The following APPL2 variants were observed in gnomAD, a reference collection of about 807,000 sequenced individuals.
The protein encoded by APPL2 is adaptor protein, phosphotyrosine interacting with PH domain and leucine zipper 2, also known as DCC-interacting protein 13-beta.
APPL2 carries 84 observed loss-of-function variants against 92.7 expected under a neutral mutation model. The observed-to-expected ratio is 0.91, with a 90% CI of 0.76 to 1.09. The LOEUF is 1.09. Among genes scored for constraint, APPL2 ranks in the 50% least tolerant of loss-of-function variants. The pLI, the probability that APPL2 is intolerant of heterozygous loss-of-function variation, is 0.00. For missense variants in APPL2, 736 were observed against 824.5 expected (o/e 0.89, Z 1.31); for synonymous variants, 291 against 291.0 (o/e 1.00, Z 0.00).
chr12:105,174,773 A>G (rs1885336734), intron 20 of APPL2, among the ~76,000 whole-genome samples: 1 of 151,586 alleles, frequency 6.6e-6, no homozygotes, highest in East Asian at 1.9e-4. Context: ...CTATACCAGA[A>G]GTTGGCAAAC....
intron 1 of APPL2, 21 bp from the exon 2 acceptor site, chr12:105,229,244 A>C (rs1384345818): frequency 2.5e-6 from 4 of 1,600,966 alleles, no homozygotes; most frequent in Non-Finnish European, 3.4e-6. Context: ...AGAAGAAAAA[A>C]GGTCAATTTC....
At position 105,177,728 on chromosome 12, in the gene APPL2, A is replaced by C. The variant is rs535854261; in HGVS notation, c.1635-466T>G. Reference sequence around the variant, plus strand: ...AAGGGATTTTGACAAAACTCTTATCAATTTGGGTAAAAGAGGAATAATGTT... The same window carrying C: ...AAGGGATTTTGACAAAACTCTTATCCATTTGGGTAAAAGAGGAATAATGTT... On this transcript the variant is annotated intron_variant, in intron 17 of 20. Coordinates refer to ENST00000258530, the MANE Select transcript of APPL2 (RefSeq NM_018171.5). Among the ~76,000 whole-genome samples the C allele has an allele frequency of 4.7e-4, 71 of 152,322 alleles. 2 individuals carry two copies. The South Asian group carries it at 0.014, about 31-fold the overall frequency.
In APPL2 at chr12:105,189,796, C is replaced by T. The variant is rs1250299467; in HGVS notation, c.1435G>A (p.Asp479Asn). ...CCTTCTGCTTCTGGAAATGATTCAT[C>T]CTCAGTTTCACCAAAAGGGTTGGTA... is the stretch of plus-strand genomic sequence containing the variant. ...RRTNPFGETEDESFPEAEDSL... is the reference protein window; with the variant it reads ...RRTNPFGETENESFPEAEDSL... Residue 479 changes from aspartate to asparagine, a missense_variant, in exon 16 of 21, where the codon GAT (aspartate) becomes AAT (asparagine). Transcript: ENST00000258530. 2 of 1,614,156 alleles carry T rather than the reference C, an allele frequency of 1.2e-6. No homozygotes were observed.
chr12:105,212,515 G>T (rs975743078), intron 4 of APPL2, among the ~76,000 whole-genome samples: 4 of 152,208 alleles, frequency 2.6e-5, no homozygotes, highest in Non-Finnish European at 5.9e-5. Context: ...ATCTGGGGCT[G>T]GTGAGATCTA....
chr12:105,228,729 T>G (rs948624800), intron 2 of APPL2, among the ~76,000 whole-genome samples: 2 of 152,286 alleles, frequency 1.3e-5, no homozygotes, highest in East Asian at 3.9e-4. Context: ...AGGAAGCAGT[T>G]GAAAAAACAT....
At chr12:105,191,599 A>G (rs1887202189) in intron 14 of APPL2, among the ~76,000 whole-genome samples, 1 of 152,136 alleles carries the variant, frequency 6.6e-6, no homozygotes, top group Non-Finnish European at 1.5e-5. Flanking sequence ...GTGGGGTCTG[A>G]ACTTGACACA....
intron 17 of APPL2, among the ~76,000 whole-genome samples, chr12:105,184,119 TG>T (rs1886378424): frequency 6.6e-6 from 1 of 152,356 alleles, no homozygotes; most frequent in Admixed American, 6.5e-5. Flanking sequence ...AGGTTATTTA[TG>T]TTCTTCTCTA....
chr12:105,175,137 G>A (rs528374986), intron 20 of APPL2, among the ~76,000 whole-genome samples: 11 of 152,316 alleles, frequency 7.2e-5, no homozygotes, highest in African/African-American at 2.6e-4. Context: ...TCCTGCCTCT[G>A]CCTCCCAAAG....
intron 17 of APPL2, among the ~76,000 whole-genome samples, chr12:105,186,635 TCA>T (rs1491301621): frequency 4.5e-4 from 59 of 132,438 alleles, no homozygotes; most frequent in African/African-American, 1.3e-3. Flanking sequence ...ATCATATATA[TCA>T]TATATATGAT....
chr12:105,182,186 C>T (rs1308133588), intron 17 of APPL2, among the ~76,000 whole-genome samples: 1 of 152,150 alleles, frequency 6.6e-6, no homozygotes, highest in Admixed American at 6.5e-5. Flanking sequence ...TGCCACCACA[C>T]CTAGCAAATT....
intron 8 of APPL2, chr12:105,206,775 T>C: frequency 3.6e-6 from 1 of 276,540 alleles, no homozygotes; most frequent in Admixed American, 4.9e-5. Context: ...CAGCTGGCTT[T>C]CATTCGGATT....
intron 17 of APPL2, among the ~76,000 whole-genome samples, chr12:105,187,438 G>GAAA (rs1368224742): frequency 6.6e-6 from 1 of 152,080 alleles, no homozygotes. Context: ...TTTTACAGCT[G>GAAA]AAAAAACTGA....
In APPL2 at chr12:105,174,114, A is replaced by AC. The variant is rs1448414415; in HGVS notation, c.*199dup. On this transcript the variant is annotated 3_prime_UTR_variant, in exon 21 of 21. Coordinates refer to ENST00000258530, the MANE Select transcript of APPL2 (RefSeq NM_018171.5). The stretch of plus-strand genomic sequence containing the variant: ...GACTTACCACAAAGCACCTAAAATA[A>AC]CATTGTAGATGGGTGGGAACGCTGT... 3 of 551,922 alleles carry AC rather than the reference A, an allele frequency of 5.4e-6. No homozygotes were observed. In the African/African-American group the frequency reaches 5.9e-5, roughly 11 times the overall value. 34.2% of individuals were successfully genotyped at this position (551,922 alleles called of 1,614,324 possible). A position where few individuals can be genotyped will look rare whatever the true frequency, so the allele number is the denominator to read the frequency against.
intron 17 of APPL2, among the ~76,000 whole-genome samples, chr12:105,177,845 C>T (rs1885706079): frequency 6.6e-6 from 1 of 152,156 alleles, no homozygotes; most frequent in African/African-American, 2.4e-5. Flanking sequence ...GGCTGGAGTG[C>T]AGCAGCCCAG....
chr12:105,223,251 C>T (rs1780718345), intron 2 of APPL2, among the ~76,000 whole-genome samples: 1 of 152,220 alleles, frequency 6.6e-6, no homozygotes, highest in African/African-American at 2.4e-5. Context: ...CTAAAGCTAA[C>T]TCTGCACAGT....
intron 17 of APPL2, among the ~76,000 whole-genome samples, chr12:105,179,264 G>T (rs1885871896): frequency 6.6e-6 from 1 of 152,148 alleles, no homozygotes; most frequent in South Asian, 2.1e-4. Flanking sequence ...GTGTTAGTTT[G>T]CTGAGAATGA....
chr12:105,207,342 G>T, intron 7 of APPL2, 135 bp from the exon 8 acceptor site: 3 of 921,882 alleles, frequency 3.3e-6, no homozygotes, highest in Non-Finnish European at 4.7e-6. Flanking sequence ...AGATAAGGCT[G>T]CACTTCAACT....
intron 9 of APPL2, among the ~76,000 whole-genome samples, chr12:105,200,564 G>C (rs1888072940): frequency 6.6e-6 from 1 of 152,172 alleles, no homozygotes. Flanking sequence ...TACTGAGCTA[G>C]ACCGCACCAG....
intron 2 of APPL2, among the ~76,000 whole-genome samples, chr12:105,220,060 GA>G (rs1211304497): frequency 6.6e-6 from 1 of 152,218 alleles, no homozygotes; most frequent in Non-Finnish European, 1.5e-5. Context: ...TATAGATGAA[GA>G]AACTGAAGCA....
Sources: gnomAD v4.1 joint callset for allele counts (sites outside exome capture counted in the v4.1 genomes callset) on GRCh38, gnomAD v4.1.1 for gene constraint, MANE v1.5 for transcripts, NCBI Gene and HGNC (gene_info 2026-07-23, HGNC 2026-07-21) for gene names.